KCNIP4: variants seen among roughly 807,000 people sequenced by gnomAD.
The protein encoded by KCNIP4 is potassium voltage-gated channel interacting protein 4, also known as Kv channel-interacting protein 4.
A neutral mutation model predicts 34.0 loss-of-function variants in KCNIP4; 12 were observed. The observed-to-expected ratio is 0.35, with a 90% CI of 0.23 to 0.57. The LOEUF is 0.57. Ranked by LOEUF, KCNIP4 falls within the 20% of genes least tolerant of loss-of-function variation. The pLI is 0.83. For missense variants in KCNIP4, 238 were observed against 311.7 expected, an observed-to-expected ratio of 0.76 and a Z score of 1.78; for synonymous variants, 124 against 102.2, an observed-to-expected ratio of 1.21 and a Z score of -1.29.
intron 5 of KCNIP4, among the ~76,000 whole-genome samples, chr4:20,741,209 C>A (rs1750998205): frequency 6.6e-6 from 1 of 152,182 alleles, no homozygotes; most frequent in South Asian, 2.1e-4. Flanking sequence ...CTCAGCTCTG[C>A]AGCAAGCGGA....
intron 2 of KCNIP4, among the ~76,000 whole-genome samples, chr4:20,856,361 T>A (rs1288272056): frequency 6.6e-6 from 1 of 152,222 alleles, no homozygotes; most frequent in African/African-American, 2.4e-5. Context: ...TCTTTCATGA[T>A]CCAATTTAAA....
intron 1 of KCNIP4, among the ~76,000 whole-genome samples, chr4:21,507,414 G>T (rs1021860794): frequency 6.6e-6 from 1 of 151,896 alleles, no homozygotes; most frequent in Non-Finnish European, 1.5e-5. Flanking sequence ...ACAGGGACAT[G>T]CCGACACGAC....
intron 1 of KCNIP4, among the ~76,000 whole-genome samples, chr4:21,745,741 T>C (rs1354229590): frequency 6.6e-6 from 1 of 152,164 alleles, no homozygotes; most frequent in Non-Finnish European, 1.5e-5. Flanking sequence ...ATAGTAAACA[T>C]ATACATGCTT....
At chr4:20,933,121 T>G (rs1730654560) in intron 1 of KCNIP4, among the ~76,000 whole-genome samples, 1 of 152,052 alleles carries the variant, frequency 6.6e-6, no homozygotes, top group Admixed American at 6.6e-5. Flanking sequence ...GGCAGGTGAC[T>G]GTAATCCTAG....
At chr4:21,697,510 G>T in intron 1 of KCNIP4, 1 of 1,484,626 alleles carries the variant, frequency 6.7e-7, no homozygotes, top group South Asian at 1.5e-5. Flanking sequence ...ATAATAAAAA[G>T]AGAGTCTCTG....
intron 1 of KCNIP4, among the ~76,000 whole-genome samples, chr4:21,255,854 C>A (rs998482806): frequency 6.6e-6 from 1 of 152,104 alleles, no homozygotes; most frequent in African/African-American, 2.4e-5. Flanking sequence ...TTGACAATAA[C>A]CCGGATGCTT....
At chr4:21,185,044 A>G (rs1021951303) in intron 1 of KCNIP4, among the ~76,000 whole-genome samples, 1 of 152,210 alleles carries the variant, frequency 6.6e-6, no homozygotes, top group Non-Finnish European at 1.5e-5. Context: ...AAGATTGCCA[A>G]GAGTTGCAAA....
At chr4:20,896,193 G>T (rs1726510507) in intron 1 of KCNIP4, among the ~76,000 whole-genome samples, 1 of 152,056 alleles carries the variant, frequency 6.6e-6, no homozygotes, top group Non-Finnish European at 1.5e-5. Flanking sequence ...TTCCTCTGTT[G>T]CCTATCACAC....
intron 3 of KCNIP4, among the ~76,000 whole-genome samples, chr4:20,828,274 A>G (rs903534276): frequency 1.3e-5 from 2 of 152,100 alleles, no homozygotes; most frequent in African/African-American, 2.4e-5. Flanking sequence ...TAAAAATACA[A>G]AGATTAGCTG....
chr4:21,408,086 C>T (rs369502196), intron 1 of KCNIP4, among the ~76,000 whole-genome samples: 33 of 152,226 alleles, frequency 2.2e-4, no homozygotes, highest in African/African-American at 7.0e-4. Flanking sequence ...CAAACGAAGC[C>T]GGTAGACATT....
intron 1 of KCNIP4, among the ~76,000 whole-genome samples, chr4:21,420,632 G>T (rs1035059192): frequency 6.6e-6 from 1 of 152,134 alleles, no homozygotes; most frequent in Non-Finnish European, 1.5e-5. Context: ...GGAATATGCA[G>T]TTTCTTCTAA....
chr4:21,884,294 G>A (rs1362519677), intron 1 of KCNIP4, among the ~76,000 whole-genome samples: 2 of 152,074 alleles, frequency 1.3e-5, no homozygotes, highest in Non-Finnish European at 2.9e-5. Context: ...ATAGCGCATG[G>A]AGAAAGGTTG....
chr4:21,387,304 T>G (rs1404434441), intron 1 of KCNIP4, among the ~76,000 whole-genome samples: 1 of 152,298 alleles, frequency 6.6e-6, no homozygotes, highest in Admixed American at 6.5e-5. Context: ...AGTTTGACAT[T>G]TTAAACAAGA....
chr4:21,797,204 G>A (rs1174652724), intron 1 of KCNIP4, among the ~76,000 whole-genome samples: 2 of 152,302 alleles, frequency 1.3e-5, no homozygotes, highest in Middle Eastern at 3.4e-3. Context: ...CTAAAGTGCA[G>A]TGGCGTGATC....
In KCNIP4 at chr4:21,084,544, T is replaced by G. The variant is rs566895100; in HGVS notation, c.62-201835A>C. Among the ~76,000 whole-genome samples, 41 of 147,616 alleles carry G rather than the reference T, an allele frequency of 2.8e-4. 1 individual carries two copies. Among genetic ancestry groups the G allele is most frequent in the African/African-American group, 9.9e-4 (39 of 39,452 alleles). On this transcript the variant is annotated intron_variant, in intron 1 of 8. Coordinates refer to ENST00000382152, the MANE Select transcript of KCNIP4 (RefSeq NM_025221.6). ...CAGTGTGTATCCTTTACACCCAGAGTGCCAATCATCTAGGATGCACCGGTT... is the reference window on the plus strand; with the variant it reads ...CAGTGTGTATCCTTTACACCCAGAGGGCCAATCATCTAGGATGCACCGGTT...
chr4:21,457,948 T>A (rs1729103572), intron 1 of KCNIP4, among the ~76,000 whole-genome samples: 1 of 152,066 alleles, frequency 6.6e-6, no homozygotes, highest in Admixed American at 6.6e-5. Flanking sequence ...GTTCCTGCCC[T>A]CCATCTTATT....
chr4:21,174,666 G>A (rs1269867404), intron 1 of KCNIP4, among the ~76,000 whole-genome samples: 2 of 152,078 alleles, frequency 1.3e-5, no homozygotes, highest in African/African-American at 2.4e-5. Context: ...TTGGGAGGCC[G>A]AGGTGGGCAG....
intron 1 of KCNIP4, among the ~76,000 whole-genome samples, chr4:21,898,001 T>G (rs1727494528): frequency 6.6e-6 from 1 of 152,090 alleles, no homozygotes; most frequent in Admixed American, 6.6e-5. Flanking sequence ...TGAAATGCAG[T>G]GCTGCCCTGT....
At chr4:20,862,861 T>C (rs987061345) in intron 2 of KCNIP4, among the ~76,000 whole-genome samples, 9 of 152,232 alleles carry the variant, frequency 5.9e-5, no homozygotes, top group African/African-American at 1.9e-4. Context: ...GGCAAATTAA[T>C]CCAGGAACAG....
Sources: gnomAD v4.1 joint callset for allele counts (sites outside exome capture counted in the v4.1 genomes callset) on GRCh38, gnomAD v4.1.1 for gene constraint, MANE v1.5 for transcripts, NCBI Gene and HGNC (gene_info 2026-07-23, HGNC 2026-07-21) for gene names.